Variants in ERCC6 observed in about 807,000 individuals in gnomAD.
ERCC6 encodes the protein DNA excision repair protein ERCC-6.
In ERCC6, 116 loss-of-function variants were observed where a neutral mutation model predicts 158.7. The observed-to-expected ratio is 0.73, with a 90% confidence interval of 0.63 to 0.85. ERCC6 has a LOEUF of 0.85. Among genes scored for constraint, ERCC6 ranks in the 40% least tolerant of loss-of-function variants. The pLI is 0.00. For missense variants in ERCC6, 1,698 were observed against 1,799.4 expected, an observed-to-expected ratio of 0.94 and a Z score of 1.02; for synonymous variants, 678 against 659.3, an observed-to-expected ratio of 1.03 and a Z score of -0.43.
Position 49,475,762 on chromosome 10 carries a change from T to C in ERCC6, c.2382+453A>G, listed in dbSNP as rs148412211. 3.4e-3 allele frequency among the ~76,000 whole-genome samples: 512 copies of C among 152,294 alleles called. 2 individuals carry two copies. The highest frequency in any genetic ancestry group is 0.012 in the African/African-American group (488 of 41,560). Reference sequence around the variant, plus strand: ...TTGAACCAGATTTATATCTGGTTCCTAACATGGCAATGGTTCATAAACATT... The same window carrying C: ...TTGAACCAGATTTATATCTGGTTCCCAACATGGCAATGGTTCATAAACATT... On this transcript the variant is annotated intron_variant, in intron 12 of 20. Transcript: ENST00000355832.
Position 49,500,667 on chromosome 10 carries a change from C to T in ERCC6, c.1556G>A (p.Trp519Ter), listed in dbSNP as rs758853358. The T allele has an allele frequency of 1.9e-6, 3 of 1,613,926 alleles. No homozygotes were observed. The highest frequency in any genetic ancestry group is 1.7e-6 in the Non-Finnish European group (2 of 1,179,874). ...TCCTGCCTGCTGGCAGTGCAATTCCCACAGCCACCTAACACCTGTCTGCTG... is the reference window on the plus strand; with the variant it reads ...TCCTGCCTGCTGGCAGTGCAATTCCTACAGCCACCTAACACCTGTCTGCTG... ...KYQQTGVRWL[W>*]ELHCQQAGGI... is the part of the protein sequence containing the mutation. The change falls in exon 7 of 21, where the codon TGG becomes TAG. Residue 519 changes from tryptophan to a stop codon, truncating the protein, a stop_gained. Coordinates refer to ENST00000355832, the MANE Select transcript of ERCC6 (RefSeq NM_000124.4). LOFTEE classifies it high-confidence loss of function.
intron 7 of ERCC6, among the ~76,000 whole-genome samples, chr10:49,499,793 C>T (rs998368956): frequency 6.6e-6 from 1 of 152,162 alleles, no homozygotes; most frequent in African/African-American, 2.4e-5. Flanking sequence ...AGATTAAATG[C>T]TTATTCTTCT....
In ERCC6 at chr10:49,454,789, A is replaced by G. The variant is rs925318323; in HGVS notation, c.*4026T>C. On this transcript the variant is annotated 3_prime_UTR_variant, in exon 21 of 21. Transcript: ENST00000355832. ...ATCATTCTACCATTTGTGATAATCA[A>G]TTATGATACCACAATGATAAAAACA... Among the ~76,000 whole-genome samples the G allele has an allele frequency of 3.3e-5, 5 of 152,238 alleles. No individual in the cohort carries two copies. Among genetic ancestry groups the G allele is most frequent in the Non-Finnish European group, 5.9e-5 (4 of 68,052 alleles).
intron 3 of ERCC6, 112 bp from the exon 4 acceptor site, chr10:49,528,637 T>A (rs1213296637): frequency 2.3e-6 from 3 of 1,325,768 alleles, no homozygotes; most frequent in African/African-American, 3.0e-5. Flanking sequence ...ATAAAAATAA[T>A]ATACATTACA....
chr10:49,496,645 C>T (rs1851271989), intron 7 of ERCC6, among the ~76,000 whole-genome samples: 1 of 151,986 alleles, frequency 6.6e-6, no homozygotes, highest in Admixed American at 6.6e-5. Context: ...CCGTCTCTAC[C>T]TAAACTATAA....
At chr10:49,443,480 A>G in the ERCC6 span, among the ~76,000 whole-genome samples, 13 of 152,330 alleles carry the variant, frequency 8.5e-5, no homozygotes, top group South Asian at 2.1e-3. Flanking sequence ...CACAGCCCTC[A>G]GAACATTGCA....
chr10:49,467,323 T>C (rs1355985489), intron 18 of ERCC6, among the ~76,000 whole-genome samples: 1 of 152,182 alleles, frequency 6.6e-6, no homozygotes, highest in Non-Finnish European at 1.5e-5. Flanking sequence ...ATTGTGCCAT[T>C]TTACATTCCC....
chr10:49,450,816 ATT>A (rs57063540), downstream of ERCC6, among the ~76,000 whole-genome samples: 26 of 146,632 alleles, frequency 1.8e-4, no homozygotes, highest in South Asian at 6.5e-4. Flanking sequence ...TAGAAATACG[ATT>A]TTTTTTTTTT....
intron 6 of ERCC6, chr10:49,505,127 A>G (rs1455397203): frequency 6.6e-6 from 1 of 152,148 alleles, no homozygotes; most frequent in African/African-American, 2.4e-5. Context: ...TTAACTTCCT[A>G]TATGCATCTA....
chr10:49,447,741 C>G, the ERCC6 span, among the ~76,000 whole-genome samples: 4 of 151,916 alleles, frequency 2.6e-5, no homozygotes, highest in Non-Finnish European at 1.5e-5. Context: ...TCCCCATCCC[C>G]CTCCCCACCC....
At chr10:49,448,268 A>C in the ERCC6 span, among the ~76,000 whole-genome samples, 1 of 152,160 alleles carries the variant, frequency 6.6e-6, no homozygotes, top group Non-Finnish European at 1.5e-5. Flanking sequence ...CACAGTTTTG[A>C]CTTGCCTTTC....
chr10:49,477,385 C>T (rs1273514464), intron 11 of ERCC6, among the ~76,000 whole-genome samples: 2 of 152,124 alleles, frequency 1.3e-5, no homozygotes, highest in Non-Finnish European at 2.9e-5. Flanking sequence ...TACAGTGCCT[C>T]ACCCATTAGC....
At chr10:49,538,694 C>G (rs1219153176) in intron 1 of ERCC6, among the ~76,000 whole-genome samples, 1 of 152,226 alleles carries the variant, frequency 6.6e-6, no homozygotes, top group Non-Finnish European at 1.5e-5. Context: ...GCGCAGGGGG[C>G]CTTATACAAA....
chr10:49,515,908 T>C, intron 5 of ERCC6: 1 of 1,614,184 alleles, frequency 6.2e-7, no homozygotes, highest in South Asian at 1.1e-5. Flanking sequence ...TTGCCATCAA[T>C]TCGATAATCA....
chr10:49,498,509 C>T (rs1851303439), intron 7 of ERCC6, among the ~76,000 whole-genome samples: 1 of 152,146 alleles, frequency 6.6e-6, no homozygotes, highest in Admixed American at 6.5e-5. Flanking sequence ...GGGGGGACCA[C>T]ACTCCTCTGT....
At chr10:49,499,646 A>G (rs1851323801) in intron 7 of ERCC6, among the ~76,000 whole-genome samples, 1 of 152,194 alleles carries the variant, frequency 6.6e-6, no homozygotes. Context: ...GTTCAGTATG[A>G]TGAAATATCC....
intron 12 of ERCC6, 29 bp from the exon 13 acceptor site, chr10:49,474,271 C>T (rs745785349): frequency 3.9e-6 from 6 of 1,549,590 alleles, no homozygotes; most frequent in South Asian, 3.3e-5. Context: ...CATGTACACT[C>T]AGATGACCCC....
At chr10:49,525,587 A>C (rs188439346) in intron 4 of ERCC6, among the ~76,000 whole-genome samples, 15 of 152,346 alleles carry the variant, frequency 9.8e-5, no homozygotes, top group Admixed American at 5.9e-4. Context: ...AAAAGACCTA[A>C]GGCTTAATAG....
chr10:49,526,117 T>TTATATA (rs55801003), intron 4 of ERCC6, among the ~76,000 whole-genome samples: 103 of 43,444 alleles, frequency 2.4e-3, no homozygotes, highest in African/African-American at 3.2e-3. Context: ...TTATATATTT[T>TTATATA]TATATATATA....
Sources: allele counts gnomAD v4.1 joint callset (sites outside exome capture counted in the v4.1 genomes callset), GRCh38; gene constraint gnomAD v4.1.1; transcripts MANE v1.5; gene names NCBI Gene and HGNC (gene_info 2026-07-23, HGNC 2026-07-21).